Variants in DDX59 observed in about 807,000 individuals in gnomAD.
The protein encoded by DDX59 is DEAD-box helicase 59, also known as probable ATP-dependent RNA helicase DDX59.
Under a neutral mutation model 51.9 loss-of-function variants are expected in DDX59, and 30 were observed. The observed-to-expected ratio is 0.58, with a 90% confidence interval of 0.43 to 0.78. The LOEUF is 0.78. Ranked by LOEUF, DDX59 falls within the 30% of genes least tolerant of loss-of-function variation. The probability of loss-of-function intolerance (pLI) is 0.00; values close to 1 mark genes in which losing one functional copy is unlikely to be tolerated. For missense variants in DDX59, 672 were observed against 730.8 expected, an observed-to-expected ratio of 0.92 and a Z score of 0.93; for synonymous variants, 255 against 253.3, an observed-to-expected ratio of 1.01 and a Z score of -0.06.
Position 200,660,510 on chromosome 1 carries a change from G to A in DDX59, c.973-1394C>T, listed in dbSNP as rs1214376635. On this transcript the variant is annotated intron_variant, in intron 3 of 7. Coordinates refer to ENST00000331314, the MANE Select transcript of DDX59 (RefSeq NM_001031725.6). ...AGGAGAGTGCAGGGTGGAGTCTGGT[G>A]AGGAGGGCATCGCTGTGGGCAGGGC... Among the ~76,000 whole-genome samples the A allele has an allele frequency of 4.6e-5, 7 of 152,158 alleles. No individual in the cohort carries two copies. In the South Asian group the frequency reaches 1.4e-3, roughly 31 times the overall value.
At chr1:200,645,210 A>C (rs1276725118) in intron 7 of DDX59, among the ~76,000 whole-genome samples, 2 of 152,122 alleles carry the variant, frequency 1.3e-5, no homozygotes, top group African/African-American at 4.8e-5. Context: ...CAAGAGGACT[A>C]TTTACTTCCA....
chr1:200,651,650 A>G (rs535218512), intron 4 of DDX59, among the ~76,000 whole-genome samples: 11 of 152,256 alleles, frequency 7.2e-5, no homozygotes, highest in Non-Finnish European at 1.3e-4. Context: ...TTTCACTTAT[A>G]TTTTTCTATA....
At chr1:200,665,664 G>C (rs1349823924) in intron 2 of DDX59, among the ~76,000 whole-genome samples, 2 of 152,020 alleles carry the variant, frequency 1.3e-5, no homozygotes, top group South Asian at 4.1e-4. Context: ...TCTGTTAATA[G>C]AAAAACTGTT....
intron 1 of DDX59, chr1:200,669,551 C>A (rs1258947597): frequency 6.6e-6 from 1 of 152,312 alleles, no homozygotes; most frequent in African/African-American, 2.4e-5. Context: ...CCCACCCACG[C>A]CCGGCGGCAC....
intron 4 of DDX59, chr1:200,655,226 C>T (rs1309289407): frequency 1.3e-5 from 2 of 152,166 alleles, no homozygotes; most frequent in Non-Finnish European, 2.9e-5. Context: ...AAATTAAAGG[C>T]ACAACTATAA....
chr1:200,658,882 C>G (rs1662199600), intron 4 of DDX59, 145 bp downstream of exon 4: 2 of 618,298 alleles, frequency 3.2e-6, no homozygotes, highest in African/African-American at 1.9e-5. Context: ...CAGTGCTACA[C>G]AGGAACCTGC....
chr1:200,663,800 T>A, intron 3 of DDX59, 119 bp downstream of exon 3: 3 of 1,063,880 alleles, frequency 2.8e-6, no homozygotes. Context: ...GCTTACTTGG[T>A]AAGAATTTAA....
intron 7 of DDX59, among the ~76,000 whole-genome samples, chr1:200,646,398 T>C (rs907732426): frequency 2.4e-4 from 36 of 151,782 alleles, no homozygotes; most frequent in Middle Eastern, 3.4e-3. Context: ...TTCTAGAGTA[T>C]ACAAAGAACT....
intron 2 of DDX59, 29 bp from the exon 3 acceptor site, chr1:200,664,115 A>G (rs1662559119): frequency 1.3e-6 from 2 of 1,599,188 alleles, no homozygotes; most frequent in South Asian, 2.3e-5. Flanking sequence ...CAAGTTTAAA[A>G]ACACCAGCAA....
chr1:200,642,646 G>A (rs1661081871), downstream of DDX59, among the ~76,000 whole-genome samples: 1 of 152,230 alleles, frequency 6.6e-6, no homozygotes, highest in Non-Finnish European at 1.5e-5. Context: ...CAGAGAGGCA[G>A]GAAGAACCAG....
In DDX59 at chr1:200,650,533, A is replaced by G; in HGVS notation, c.1206T>C (p.Pro402=). Reference sequence around the variant, plus strand: ...TCTTTTCTCCAGTGATAATTCTCACAGGATTATGCAGAAGCTGGCTTGCTA... The same window carrying G: ...TCTTTTCTCCAGTGATAATTCTCACGGGATTATGCAGAAGCTGGCTTGCTA... ...EQLASQLLHN[P]VRIITGEKNL... is the part of the protein sequence containing the mutation. Residue 402 remains proline (P), a synonymous_variant, in exon 5 of 8, where the codon CCT becomes CCC. Transcript: ENST00000331314. 2 of 1,614,116 alleles carry G rather than the reference A, an allele frequency of 1.2e-6. No homozygotes were observed. The highest frequency in any genetic ancestry group is 1.7e-6 in the Non-Finnish European group (2 of 1,179,994).
At position 200,666,654 on chromosome 1, in the gene DDX59, T is replaced by C; in HGVS notation, c.87A>G (p.Pro29=). 1 of 1,614,222 alleles carries C rather than the reference T, an allele frequency of 6.2e-7. No individual in the cohort carries two copies. The highest frequency in any genetic ancestry group is 8.5e-7 in the Non-Finnish European group (1 of 1,180,044). ...TGCTTTTGTCCAACTGAAGGTCTTC[T>C]GGGTCTGGTTTAATTATCTTAGCCA... ...SCVAKIIKPD[P]EDLQLDKSRD... is the part of the protein sequence containing the mutation. Residue 29 remains proline (P), a synonymous_variant, in exon 2 of 8, where the codon CCA becomes CCG. Coordinates refer to ENST00000331314, the MANE Select transcript of DDX59 (RefSeq NM_001031725.6).
chr1:200,653,887 C>T (rs985623246), intron 4 of DDX59, among the ~76,000 whole-genome samples: 1 of 152,144 alleles, frequency 6.6e-6, no homozygotes, highest in Non-Finnish European at 1.5e-5. Context: ...AGGTAACCCC[C>T]CTCCCCTCGT....
intron 4 of DDX59, among the ~76,000 whole-genome samples, chr1:200,656,230 TA>T (rs1662013492): frequency 6.6e-6 from 1 of 152,180 alleles, no homozygotes; most frequent in Non-Finnish European, 1.5e-5. Flanking sequence ...AATAATGTTT[TA>T]TGGGAACCCC....
chr1:200,653,579 C>G (rs991741043), intron 4 of DDX59, among the ~76,000 whole-genome samples: 6 of 152,178 alleles, frequency 3.9e-5, no homozygotes, highest in African/African-American at 1.4e-4. Flanking sequence ...CTTAAACCCT[C>G]CAATGGTTTC....
rs112500343 is a variant in DDX59, at chr1:200,649,999, C to T, written c.1314+426G>A. Reference sequence around the variant, plus strand: ...CTGGGACTACAGGCCTGTGCCACCACGCCTGGCTAATTTTTTTTGTATTTT... The same window carrying T: ...CTGGGACTACAGGCCTGTGCCACCATGCCTGGCTAATTTTTTTTGTATTTT... On this transcript the variant is annotated intron_variant, in intron 5 of 7. Coordinates refer to ENST00000331314, the MANE Select transcript of DDX59 (RefSeq NM_001031725.6). 9.2e-5 allele frequency among the ~76,000 whole-genome samples: 14 copies of T among 152,072 alleles called. 1 individual carries two copies. Among genetic ancestry groups the T allele is most frequent in the Admixed American group, 4.6e-4 (7 of 15,274 alleles).
intron 5 of DDX59, 40 bp downstream of exon 5, chr1:200,650,385 A>G (rs1322002510): frequency 5.7e-6 from 9 of 1,570,666 alleles, no homozygotes; most frequent in Admixed American, 3.6e-5. Context: ...AAAAATGCAA[A>G]CACAATCCAT....
At chr1:200,668,035 A>T (rs770402960) in intron 1 of DDX59, among the ~76,000 whole-genome samples, 3 of 152,180 alleles carry the variant, frequency 2.0e-5, no homozygotes, top group Non-Finnish European at 2.9e-5. Context: ...GCAGTGGCTC[A>T]CGCCTGTAAT....
In DDX59 at chr1:200,644,175, T is replaced by A. The variant is rs541975251; in HGVS notation, c.*79A>T. 1 of 1,125,080 alleles carries A rather than the reference T, an allele frequency of 8.9e-7. No individual in the cohort carries two copies. Among genetic ancestry groups the A allele is most frequent in the African/African-American group, 1.6e-5 (1 of 61,686 alleles). 69.7% of individuals were successfully genotyped at this position (1,125,080 alleles called of 1,614,324 possible). A position where few individuals can be genotyped will look rare whatever the true frequency, so the allele number is the denominator to read the frequency against. On this transcript the variant is annotated 3_prime_UTR_variant, in exon 8 of 8. Transcript: ENST00000331314. ...AATATCTTAAAATTTTTAAAATTCA[T>A]GTACATTTCCATTTATGCAAACCAT... is the stretch of plus-strand genomic sequence containing the variant.
Sources: allele counts gnomAD v4.1 joint callset (sites outside exome capture counted in the v4.1 genomes callset), GRCh38; gene constraint gnomAD v4.1.1; transcripts MANE v1.5; gene names NCBI Gene and HGNC (gene_info 2026-07-23, HGNC 2026-07-21).